Variants in ARHGAP26 observed in about 807,000 individuals in gnomAD.
The protein encoded by ARHGAP26 is rho GTPase-activating protein 26.
A neutral mutation model predicts 104.8 loss-of-function variants in ARHGAP26; 38 were observed. The ratio of observed to expected loss-of-function variants is 0.36; its 90% CI spans 0.28 to 0.48. The LOEUF is 0.48. ARHGAP26 is among the 20% of genes least tolerant of loss of function. The probability of loss-of-function intolerance (pLI) is 0.99; values close to 1 mark genes in which losing one functional copy is unlikely to be tolerated. For missense variants in ARHGAP26, 704 were observed against 947.9 expected, an observed-to-expected ratio of 0.74 and a Z score of 3.38; for synonymous variants, 341 against 340.0, an observed-to-expected ratio of 1.00 and a Z score of -0.03.
chr5:142,979,436 C>T (rs1272729452), intron 11 of ARHGAP26, among the ~76,000 whole-genome samples: 1 of 152,118 alleles, frequency 6.6e-6, no homozygotes, highest in Non-Finnish European at 1.5e-5. Context: ...ATTCTTCCAC[C>T]TTGGGAACCC....
At chr5:143,025,168 C>G (rs548444890) in intron 12 of ARHGAP26, among the ~76,000 whole-genome samples, 3 of 152,298 alleles carry the variant, frequency 2.0e-5, no homozygotes, top group African/African-American at 7.2e-5. Context: ...TAAAGTTCCT[C>G]CGGGCATTGC....
At chr5:142,929,810 C>G (rs1166728407) in intron 10 of ARHGAP26, among the ~76,000 whole-genome samples, 1 of 152,186 alleles carries the variant, frequency 6.6e-6, no homozygotes, top group African/African-American at 2.4e-5. Context: ...GTAGACAGCT[C>G]TTGTGATCTC....
intron 17 of ARHGAP26, among the ~76,000 whole-genome samples, chr5:143,095,836 T>C (rs1792222454): frequency 6.6e-6 from 1 of 152,216 alleles, no homozygotes. Flanking sequence ...CCTCCCAAAG[T>C]GCTGGGATTA....
chr5:142,950,284 T>A (rs1201684004), intron 11 of ARHGAP26, among the ~76,000 whole-genome samples: 3 of 152,170 alleles, frequency 2.0e-5, no homozygotes, highest in Admixed American at 2.0e-4. Context: ...GTCTTCAGTC[T>A]CATCATGGGG....
chr5:142,904,879 G>A (rs146843007), intron 8 of ARHGAP26, among the ~76,000 whole-genome samples: 102 of 152,232 alleles, frequency 6.7e-4, no homozygotes, highest in Non-Finnish European at 1.1e-3. Context: ...ATAGCTTTCC[G>A]ATGGGATAGA....
At chr5:143,012,101 C>T (rs558759619) in intron 11 of ARHGAP26, among the ~76,000 whole-genome samples, 7 of 152,130 alleles carry the variant, frequency 4.6e-5, no homozygotes, top group Non-Finnish European at 1.0e-4. Context: ...ATCTCTAGAG[C>T]GTTTAGGTAT....
chr5:142,967,108 G>A (rs895333384), intron 11 of ARHGAP26, among the ~76,000 whole-genome samples: 8 of 152,120 alleles, frequency 5.3e-5, no homozygotes, highest in Non-Finnish European at 1.0e-4. Context: ...CTGCTGTTAG[G>A]ATGGCAAATT....
rs557742969 is a variant in ARHGAP26 at position 142,895,182 on chromosome 5, T to C, written c.597+834T>C. Among the ~76,000 whole-genome samples, 78 of 152,320 alleles carry C rather than the reference T, an allele frequency of 5.1e-4. 1 individual carries two copies. The highest frequency in any genetic ancestry group is 1.7e-3 in the African/African-American group (72 of 41,590). On this transcript the variant is annotated intron_variant, in intron 6 of 22. Transcript: ENST00000645722. ...GATTTAGACTCAAGCATGGCATCTC[T>C]GTACAAATAAGATTCTCTACCTAGA...
chr5:143,083,745 C>T (rs1308139620), intron 17 of ARHGAP26, among the ~76,000 whole-genome samples: 1 of 152,188 alleles, frequency 6.6e-6, no homozygotes, highest in Non-Finnish European at 1.5e-5. Context: ...GTGATCCATC[C>T]ACCTCTGCCT....
At chr5:142,970,744 A>C (rs145826764) in intron 11 of ARHGAP26, among the ~76,000 whole-genome samples, 335 of 152,316 alleles carry the variant, frequency 2.2e-3, no homozygotes, top group African/African-American at 7.9e-3. Context: ...GTGGGAATGG[A>C]TGTGGGGCAA....
chr5:143,012,099 A>C (rs1402476109), intron 11 of ARHGAP26, among the ~76,000 whole-genome samples: 1 of 152,106 alleles, frequency 6.6e-6, no homozygotes, highest in African/African-American at 2.4e-5. Context: ...TTATCTCTAG[A>C]GCGTTTAGGT....
intron 5 of ARHGAP26, among the ~76,000 whole-genome samples, chr5:142,892,607 T>C (rs1269102447): frequency 6.6e-6 from 1 of 151,948 alleles, no homozygotes; most frequent in African/African-American, 2.4e-5. Flanking sequence ...CTTATTTCTG[T>C]TTGGTTTGTT....
chr5:143,010,768 C>T (rs1778614750), intron 11 of ARHGAP26: 1 of 152,154 alleles, frequency 6.6e-6, no homozygotes, highest in Non-Finnish European at 1.5e-5. Flanking sequence ...TAATTTGGCA[C>T]AAATTCATCT....
intron 1 of ARHGAP26, among the ~76,000 whole-genome samples, chr5:142,780,506 A>G (rs1757278459): frequency 6.6e-6 from 1 of 152,256 alleles, no homozygotes; most frequent in Non-Finnish European, 1.5e-5. Context: ...ACAGTTTATT[A>G]CAGAATGGTC....
At chr5:143,081,722 T>C (rs1258732628) in intron 17 of ARHGAP26, among the ~76,000 whole-genome samples, 1 of 152,170 alleles carries the variant, frequency 6.6e-6, no homozygotes, top group Non-Finnish European at 1.5e-5. Context: ...GGCTTAAAAA[T>C]GGTAGCTTTT....
At chr5:142,827,893 CG>C (rs35285852) in intron 1 of ARHGAP26, among the ~76,000 whole-genome samples, 1 of 152,318 alleles carries the variant, frequency 6.6e-6, no homozygotes, top group South Asian at 2.1e-4. Context: ...TCCTGGCATC[CG>C]GGAAGTGTAG....
At chr5:142,848,157 A>T (rs768586875) in intron 1 of ARHGAP26, among the ~76,000 whole-genome samples, 1 of 152,238 alleles carries the variant, frequency 6.6e-6, no homozygotes, top group Non-Finnish European at 1.5e-5. Flanking sequence ...GCCCACAGTG[A>T]GACGTGGAAT....
chr5:143,083,532 CT>C (rs1790108949), intron 17 of ARHGAP26, among the ~76,000 whole-genome samples: 2 of 152,108 alleles, frequency 1.3e-5, no homozygotes, highest in Admixed American at 1.3e-4. Context: ...GAGTTTCGCT[CT>C]TTTTGCCCAG....
chr5:142,949,191 GA>G (rs1324908323), intron 11 of ARHGAP26, among the ~76,000 whole-genome samples: 3 of 36,640 alleles, frequency 8.2e-5, no homozygotes, highest in African/African-American at 2.7e-4. Flanking sequence ...GAGAGAGAGA[GA>G]GAGAGAGAGA....
Sources: allele counts gnomAD v4.1 joint callset (sites outside exome capture counted in the v4.1 genomes callset), GRCh38; gene constraint gnomAD v4.1.1; transcripts MANE v1.5; gene names NCBI Gene and HGNC (gene_info 2026-07-23, HGNC 2026-07-21).